MYO3B: variants seen among roughly 807,000 people sequenced by gnomAD.
MYO3B encodes the protein myosin IIIB, also known as myosin-IIIb.
A neutral mutation model predicts 174.6 loss-of-function variants in MYO3B; 156 were observed. That is an observed-to-expected ratio of 0.89 (90% CI 0.78 to 1.02). MYO3B has a LOEUF of 1.02. MYO3B is among the 50% of genes least tolerant of loss of function. The pLI is 0.00. For missense variants in MYO3B, 1,632 were observed against 1,639.4 expected, an observed-to-expected ratio of 1.00 and a Z score of 0.08; for synonymous variants, 563 against 569.1, an observed-to-expected ratio of 0.99 and a Z score of 0.15.
At chr2:170,516,408 G>A (rs570689549) in intron 29 of MYO3B, among the ~76,000 whole-genome samples, 1 of 151,966 alleles carries the variant, frequency 6.6e-6, no homozygotes, top group South Asian at 2.1e-4. Flanking sequence ...TTGGGAGGCC[G>A]AGATGGGCAG....
chr2:170,234,353 C>G (rs2093048468), intron 6 of MYO3B, among the ~76,000 whole-genome samples: 1 of 152,152 alleles, frequency 6.6e-6, no homozygotes, highest in Admixed American at 6.5e-5. Context: ...TGGTGTGGGC[C>G]TTCATACTAT....
intron 7 of MYO3B, among the ~76,000 whole-genome samples, chr2:170,306,723 C>T (rs184931557): frequency 6.6e-6 from 1 of 152,250 alleles, no homozygotes; most frequent in East Asian, 1.9e-4. Context: ...CCTGAGTTTA[C>T]CTATCTGCCA....
intron 24 of MYO3B, among the ~76,000 whole-genome samples, chr2:170,465,269 C>T (rs891990694): frequency 6.6e-6 from 1 of 152,066 alleles, no homozygotes. Context: ...TCTGGTGAGG[C>T]CTCGGGGAGC....
chr2:170,515,784 G>C (rs2106127490), intron 29 of MYO3B, among the ~76,000 whole-genome samples: 1 of 152,190 alleles, frequency 6.6e-6, no homozygotes, highest in Middle Eastern at 3.4e-3. Context: ...TGTGTAGGCA[G>C]AGAGTCTCTG....
chr2:170,508,851 T>C (rs1037147795), intron 28 of MYO3B, among the ~76,000 whole-genome samples: 4 of 152,212 alleles, frequency 2.6e-5, no homozygotes, highest in Non-Finnish European at 5.9e-5. Context: ...TTTCCTCAGC[T>C]GTAAAATGGG....
chr2:170,380,686 T>G (rs979741176), intron 9 of MYO3B, among the ~76,000 whole-genome samples: 2 of 152,228 alleles, frequency 1.3e-5, no homozygotes, highest in African/African-American at 4.8e-5. Context: ...TCAAACAAGA[T>G]TTTTAAATCC....
intron 32 of MYO3B, among the ~76,000 whole-genome samples, chr2:170,550,589 CAACA>C (rs1690812315): frequency 6.6e-6 from 1 of 152,198 alleles, no homozygotes. Flanking sequence ...CTCATTCATT[CAACA>C]AACATTTATT....
intron 7 of MYO3B, among the ~76,000 whole-genome samples, chr2:170,257,962 C>A (rs912565140): frequency 1.3e-5 from 2 of 152,082 alleles, no homozygotes; most frequent in African/African-American, 4.8e-5. Context: ...ACTAGAAAAT[C>A]TAGAGGAAAT....
chr2:170,265,471 A>T (rs2093376260), intron 7 of MYO3B, among the ~76,000 whole-genome samples: 1 of 152,270 alleles, frequency 6.6e-6, no homozygotes, highest in African/African-American at 2.4e-5. Context: ...GAACACTGCC[A>T]GGTACCCAAT....
intron 7 of MYO3B, among the ~76,000 whole-genome samples, chr2:170,305,118 T>C (rs368271169): frequency 1.2e-3 from 181 of 152,296 alleles, no homozygotes; most frequent in African/African-American, 4.0e-3. Flanking sequence ...GAACTTTTTC[T>C]GATTGATTCA....
Position 170,519,533 on chromosome 2 carries a change from A to G in MYO3B, c.3568A>G (p.Lys1190Glu), listed in dbSNP as rs755577376. The change falls in exon 30 of 35, where the codon AAA becomes GAA. Residue 1190 changes from lysine (K) to glutamate (E), a missense_variant. Transcript: ENST00000408978. ...TSSNSPAVTE[K>E]NGHSQAQSSP... ...AAGCAACTCTCCTGCTGTCACAGAG[A>G]AAAATGGGTGAGCATTATCTGCTAA... 4 of 1,613,090 alleles carry G rather than the reference A, an allele frequency of 2.5e-6. No individual in the cohort carries two copies. The highest frequency in any genetic ancestry group is 2.5e-6 in the Non-Finnish European group (3 of 1,179,260).
rs983456006 is a variant in MYO3B, at chr2:170,388,179, T to C, written c.1577+871T>C. On this transcript the variant is annotated intron_variant, in intron 14 of 34. Coordinates refer to ENST00000408978, the MANE Select transcript of MYO3B (RefSeq NM_138995.5). ...TCCCTGCTGTTTGCCAGTGCTGTGC[T>C]TTGTGTTGGCTTGTAAGAGCAAACT... 2.6e-5 allele frequency among the ~76,000 whole-genome samples: 4 copies of C among 152,178 alleles called. No individual in the cohort carries two copies. The East Asian group carries it at 5.8e-4, about 22-fold the overall frequency.
chr2:170,608,477 C>T (rs1288801874), intron 32 of MYO3B, among the ~76,000 whole-genome samples: 1 of 152,160 alleles, frequency 6.6e-6, no homozygotes, highest in African/African-American at 2.4e-5. Flanking sequence ...AAGAGAAGTT[C>T]CCATTAATGA....
At chr2:170,631,744 A>C (rs897300580) in intron 32 of MYO3B, among the ~76,000 whole-genome samples, 2 of 151,542 alleles carry the variant, frequency 1.3e-5, no homozygotes, top group Non-Finnish European at 3.0e-5. Context: ...AGTGGGGGCC[A>C]ATATTCAACA....
chr2:170,446,224 G>T (rs1280868259), intron 23 of MYO3B, among the ~76,000 whole-genome samples: 5 of 152,186 alleles, frequency 3.3e-5, no homozygotes, highest in Non-Finnish European at 7.3e-5. Context: ...AATGAAGATG[G>T]ATTGTCTTTG....
chr2:170,242,686 C>T (rs1309273356), intron 7 of MYO3B, among the ~76,000 whole-genome samples: 2 of 152,170 alleles, frequency 1.3e-5, no homozygotes, highest in Non-Finnish European at 2.9e-5. Context: ...GTAAGAAGCT[C>T]ACCCTGAGAG....
At chr2:170,261,903 A>T (rs2093348482) in intron 7 of MYO3B, among the ~76,000 whole-genome samples, 1 of 152,194 alleles carries the variant, frequency 6.6e-6, no homozygotes, top group Admixed American at 6.5e-5. Context: ...AATAGAAGAT[A>T]TGTATGTGTG....
chr2:170,302,205 G>A (rs942252548), intron 7 of MYO3B, among the ~76,000 whole-genome samples: 2 of 152,078 alleles, frequency 1.3e-5, no homozygotes, highest in Non-Finnish European at 2.9e-5. Context: ...AATTGAAGTC[G>A]AAATTCTGTG....
At chr2:170,318,697 C>T (rs910812979) in intron 7 of MYO3B, among the ~76,000 whole-genome samples, 1 of 152,094 alleles carries the variant, frequency 6.6e-6, no homozygotes, top group Admixed American at 6.5e-5. Context: ...GCAGAGAAGA[C>T]GTATATAAAT....
Sources: allele counts gnomAD v4.1 joint callset (sites outside exome capture counted in the v4.1 genomes callset), GRCh38; gene constraint gnomAD v4.1.1; transcripts MANE v1.5; gene names NCBI Gene and HGNC (gene_info 2026-07-23, HGNC 2026-07-21).